BMP5: variants seen among roughly 807,000 people sequenced by gnomAD.
BMP5 encodes bone morphogenetic protein 5.
In BMP5, 23 loss-of-function variants were observed where a neutral mutation model predicts 46.6. That is an observed-to-expected ratio of 0.49 (90% CI 0.35 to 0.70). The LOEUF (loss-of-function observed/expected upper bound fraction) is 0.70. BMP5 is among the 30% of genes least tolerant of loss of function. The pLI is 0.00. For missense variants in BMP5, 545 were observed against 565.6 expected, an observed-to-expected ratio of 0.96 and a Z score of 0.37; for synonymous variants, 204 against 191.9, an observed-to-expected ratio of 1.06 and a Z score of -0.52.
intron 1 of BMP5, among the ~76,000 whole-genome samples, chr6:55,829,430 C>T (rs1028836442): frequency 4.0e-5 from 6 of 151,452 alleles, no homozygotes; most frequent in African/African-American, 1.5e-4. Flanking sequence ...AAAGCAGAAC[C>T]CCTCAACCAT....
intron 4 of BMP5, among the ~76,000 whole-genome samples, chr6:55,763,283 C>A (rs1028631351): frequency 4.6e-5 from 7 of 151,904 alleles, no homozygotes; most frequent in Admixed American, 3.9e-4. Context: ...GAAAATAAAA[C>A]TTTAAAGTCA....
chr6:55,782,574 C>T (rs1025071257), intron 3 of BMP5, among the ~76,000 whole-genome samples: 8 of 152,282 alleles, frequency 5.3e-5, no homozygotes, highest in African/African-American at 1.9e-4. Flanking sequence ...CAATCTAGGT[C>T]AGCAGTGTCA....
chr6:55,841,402 T>C (rs1366568850), intron 1 of BMP5, among the ~76,000 whole-genome samples: 4 of 152,168 alleles, frequency 2.6e-5, no homozygotes, highest in African/African-American at 7.2e-5. Context: ...AAATTTTGAT[T>C]CTCTTTTCTT....
chr6:55,817,917 A>G (rs909363196), intron 2 of BMP5, among the ~76,000 whole-genome samples: 2 of 152,190 alleles, frequency 1.3e-5, no homozygotes, highest in African/African-American at 4.8e-5. Context: ...TGATGAGTCC[A>G]TCATATTGAT....
intron 1 of BMP5, among the ~76,000 whole-genome samples, chr6:55,859,757 T>C (rs1777486116): frequency 6.6e-6 from 1 of 152,226 alleles, no homozygotes; most frequent in African/African-American, 2.4e-5. Flanking sequence ...ATTTCCAGAA[T>C]GGCTTTTATA....
intron 1 of BMP5, among the ~76,000 whole-genome samples, chr6:55,825,977 GT>G (rs940994844): frequency 1.8e-4 from 28 of 151,758 alleles, no homozygotes; most frequent in Admixed American, 1.7e-3. Flanking sequence ...ACTAATCTGT[GT>G]TGCATTGTAA....
chr6:55,802,686 T>C (rs1190703880), intron 2 of BMP5, among the ~76,000 whole-genome samples: 1 of 152,114 alleles, frequency 6.6e-6, no homozygotes, highest in East Asian at 1.9e-4. Context: ...TATTTATTCC[T>C]TATTTTGAAA....
intron 1 of BMP5, among the ~76,000 whole-genome samples, chr6:55,872,749 G>T (rs1339741513): frequency 1.3e-5 from 2 of 151,684 alleles, no homozygotes; most frequent in Non-Finnish European, 1.5e-5. Context: ...GATTTTAGAT[G>T]ATATGACCTG....
intron 2 of BMP5, among the ~76,000 whole-genome samples, chr6:55,801,280 T>C (rs933794716): frequency 3.9e-5 from 6 of 152,174 alleles, no homozygotes; most frequent in African/African-American, 1.2e-4. Flanking sequence ...AGACATATTG[T>C]GGAGATCTGC....
At chr6:55,764,199 G>C (rs1774855897) in intron 4 of BMP5, among the ~76,000 whole-genome samples, 1 of 152,124 alleles carries the variant, frequency 6.6e-6, no homozygotes, top group African/African-American at 2.4e-5. Context: ...AGATACAGAA[G>C]CAACATAAGT....
chr6:55,869,151 A>G (rs1249553584), intron 1 of BMP5, among the ~76,000 whole-genome samples: 2 of 152,072 alleles, frequency 1.3e-5, no homozygotes, highest in Non-Finnish European at 2.9e-5. Flanking sequence ...GCTTGTCTGT[A>G]TGCTCCTTGT....
At chr6:55,867,935 T>C (rs531253126) in intron 1 of BMP5, among the ~76,000 whole-genome samples, 138 of 152,282 alleles carry the variant, frequency 9.1e-4, no homozygotes, top group Non-Finnish European at 1.6e-3. Flanking sequence ...ATTTCTGCCA[T>C]GGAAGCACAG....
At chr6:55,872,281 T>C (rs773875562) in intron 1 of BMP5, among the ~76,000 whole-genome samples, 1 of 151,650 alleles carries the variant, frequency 6.6e-6, no homozygotes, top group African/African-American at 2.4e-5. Context: ...AGACATTTAG[T>C]TTGGAATTAT....
intron 4 of BMP5, among the ~76,000 whole-genome samples, chr6:55,762,734 G>A (rs890716790): frequency 6.6e-6 from 1 of 152,128 alleles, no homozygotes. Flanking sequence ...TATACAAAAC[G>A]GGGAAAAACA....
intron 3 of BMP5, among the ~76,000 whole-genome samples, chr6:55,784,300 T>A (rs1368398277): frequency 6.6e-6 from 1 of 151,790 alleles, no homozygotes; most frequent in Admixed American, 6.6e-5. Context: ...GTAATTATCC[T>A]AAGAGGACAT....
intron 1 of BMP5, among the ~76,000 whole-genome samples, chr6:55,835,557 A>C (rs1424618313): frequency 6.6e-6 from 1 of 152,218 alleles, no homozygotes; most frequent in Non-Finnish European, 1.5e-5. Flanking sequence ...AATGAAAAGC[A>C]GCTTTCATTG....
intron 2 of BMP5, among the ~76,000 whole-genome samples, chr6:55,815,548 T>G (rs1392133405): frequency 2.0e-5 from 3 of 152,126 alleles, no homozygotes; most frequent in African/African-American, 7.2e-5. Context: ...TGAGAGTAGA[T>G]TTAAACACAT....
chr6:55,842,447 C>CT, intron 1 of BMP5, among the ~76,000 whole-genome samples: 1 of 152,258 alleles, frequency 6.6e-6, no homozygotes, highest in South Asian at 2.1e-4. Context: ...TCTCAGCCTA[C>CT]ACATACAGAA....
chr6:55,755,687 G>A lies in BMP5; in HGVS notation c.1216-5C>T. On this transcript the variant is annotated splice_region_variant and splice_polypyrimidine_tract_variant and intron_variant, in intron 6 of 6. Transcript: ENST00000370830. ...GTCAGGAAACATCAGATGAACCTGG[G>A]AAAGAAAAAAGGTTTTGTTTTATTA... 2 of 1,610,200 alleles carry A rather than the reference G, an allele frequency of 1.2e-6. No individual in the cohort carries two copies. The highest frequency in any genetic ancestry group is 1.7e-6 in the Non-Finnish European group (2 of 1,177,784).
Sources: allele counts gnomAD v4.1 joint callset (sites outside exome capture counted in the v4.1 genomes callset), GRCh38; gene constraint gnomAD v4.1.1; transcripts MANE v1.5; gene names NCBI Gene and HGNC (gene_info 2026-07-23, HGNC 2026-07-21).